The following SMARCD1 variants were observed in gnomAD, a reference collection of about 807,000 sequenced individuals.
The protein encoded by SMARCD1 is SWI/SNF related BAF chromatin remodeling complex subunit D1, also known as SWI/SNF-related matrix-associated actin-dependent regulator of chromatin subfamily D member 1.
SMARCD1 carries 16 observed loss-of-function variants against 70.8 expected under a neutral mutation model. That is an observed-to-expected ratio of 0.23 (90% CI 0.15 to 0.34). The LOEUF (loss-of-function observed/expected upper bound fraction) is 0.34, where lower values mean the gene tolerates loss of function less well. Ranked by LOEUF, SMARCD1 falls within the 10% of genes least tolerant of loss-of-function variation. SMARCD1 has a pLI of 1.00. For missense variants in SMARCD1, 409 were observed against 655.5 expected (o/e 0.62, Z 4.11); for synonymous variants, 249 against 246.0 (o/e 1.01, Z -0.11).
chr12:50,086,426 A>C (rs1350135298), intron 2 of SMARCD1, 78 bp downstream of exon 2: 3 of 1,340,500 alleles, frequency 2.2e-6, no homozygotes, highest in Non-Finnish European at 3.1e-6. Flanking sequence ...TGAACCAAGA[A>C]GTGGTGGTGC....
Position 50,085,501 on chromosome 12 carries a change from G to A in SMARCD1, c.132G>A (p.Pro44=). The A allele has an allele frequency of 8.1e-7, 1 of 1,239,368 alleles. No individual in the cohort carries two copies. The highest frequency in any genetic ancestry group is 1.0e-6 in the Non-Finnish European group (1 of 991,382). The allele number at this position is 1,239,368 out of a possible 1,614,324, so 76.8% of individuals were successfully genotyped here. A position where few individuals can be genotyped will look rare whatever the true frequency, so the allele number is the denominator to read the frequency against. ...CTCCTGTGCGAATGGGCCCGGCTCCGGGTCAAGGGCTGTACCGCTCCCCGA... is the reference window on the plus strand; with the variant it reads ...CTCCTGTGCGAATGGGCCCGGCTCCAGGTCAAGGGCTGTACCGCTCCCCGA... ...PGPPVRMGPA[P]GQGLYRSPMP... Residue 44 remains proline (P), a synonymous_variant, in exon 1 of 13, where the codon CCG becomes CCA. Transcript: ENST00000394963.
chr12:50,092,485 G>C (rs2137890986), intron 9 of SMARCD1, among the ~76,000 whole-genome samples: 1 of 149,256 alleles, frequency 6.7e-6, no homozygotes, highest in Admixed American at 6.7e-5. Context: ...GCCTCCCAAA[G>C]TGCTGGGATT....
In SMARCD1 at chr12:50,090,263, C is replaced by A. The variant is rs1400988399; in HGVS notation, c.896C>A (p.Pro299His). Residue 299 changes from proline (P) to histidine (H), a missense_variant, in exon 8 of 13, where the codon CCC (proline) becomes CAC (histidine). Transcript: ENST00000394963. ...CAGCCTCCCCAGTTTAAATTAGACC[C>A]CCGCCTAGCTCGACTCCTGGGCATC... ...DYQPPQFKLD[P>H]RLARLLGIHT... The A allele has an allele frequency of 1.9e-6, 3 of 1,613,492 alleles. No individual in the cohort carries two copies. Among genetic ancestry groups the A allele is most frequent in the Non-Finnish European group, 2.5e-6 (3 of 1,179,742 alleles).
At position 50,094,184 on chromosome 12, in the gene SMARCD1, A is replaced by G. The variant is rs146400488; in HGVS notation, c.1134-253A>G. ...TTTTTACCATTGACTTTTTAAATAAATCAACTTTATTGAAGTATAATTTAT... is the reference window on the plus strand; with the variant it reads ...TTTTTACCATTGACTTTTTAAATAAGTCAACTTTATTGAAGTATAATTTAT... On this transcript the variant is annotated intron_variant, in intron 9 of 12. Transcript: ENST00000394963. Among the ~76,000 whole-genome samples, 181 of 152,320 alleles carry G rather than the reference A, an allele frequency of 1.2e-3. 1 individual carries two copies. Among genetic ancestry groups the G allele is most frequent in the African/African-American group, 3.6e-3 (149 of 41,564 alleles).
At position 50,086,828 on chromosome 12, in the gene SMARCD1, A is replaced by G; in HGVS notation, c.481A>G (p.Ile161Val). ...LAFERKLDQT[I>V]MRKRLDIQEA... ...TTTTGAAAGGAAACTGGACCAGACTATCATGAGGAAACGGCTAGATATCCA... is the reference window on the plus strand; with the variant it reads ...TTTTGAAAGGAAACTGGACCAGACTGTCATGAGGAAACGGCTAGATATCCA... Residue 161 changes from isoleucine to valine, a missense_variant, in exon 4 of 13, where the codon ATC (isoleucine) becomes GTC (valine). Coordinates refer to ENST00000394963, the MANE Select transcript of SMARCD1 (RefSeq NM_003076.5). 1.2e-6 allele frequency: 2 copies of G among 1,614,170 alleles called. No individual in the cohort carries two copies. The highest frequency in any genetic ancestry group is 1.7e-6 in the Non-Finnish European group (2 of 1,179,990).
chr12:50,092,227 C>CT (rs1223683363), intron 9 of SMARCD1, among the ~76,000 whole-genome samples: 4 of 108,880 alleles, frequency 3.7e-5, no homozygotes, highest in South Asian at 2.9e-4. Context: ...CTTTTCTTTT[C>CT]TTTCTTTCTT....
At chr12:50,098,417 G>C (rs1950911245) in intron 11 of SMARCD1, 1 of 387,230 alleles carries the variant, frequency 2.6e-6, no homozygotes, top group African/African-American at 2.1e-5. Flanking sequence ...TGTAGGTGGT[G>C]GTCTCTGTGT....
At chr12:50,086,954 C>G in intron 4 of SMARCD1, 76 bp downstream of exon 4, 2 of 1,453,366 alleles carry the variant, frequency 1.4e-6, no homozygotes, top group Non-Finnish European at 1.9e-6. Flanking sequence ...GATGAGAAAT[C>G]AAAGGCACAG....
intron 11 of SMARCD1, among the ~76,000 whole-genome samples, chr12:50,097,801 G>C (rs1448278402): frequency 6.9e-6 from 1 of 145,930 alleles, no homozygotes; most frequent in African/African-American, 2.6e-5. Context: ...TGAGGCAGGA[G>C]AATCGCTTGA....
At chr12:50,094,694 C>T (rs990654506) in intron 10 of SMARCD1, 122 bp downstream of exon 10, 1 of 941,824 alleles carries the variant, frequency 1.1e-6, no homozygotes, top group Non-Finnish European at 1.6e-6. Flanking sequence ...AGGTACTGTG[C>T]TTGGTGCTGG....
chr12:50,088,217 C>G (rs372561100), intron 5 of SMARCD1: 3 of 697,378 alleles, frequency 4.3e-6, no homozygotes, highest in Non-Finnish European at 7.8e-6. Context: ...TCAGACTTTT[C>G]TCTGTTCAAA....
intron 1 of SMARCD1, 190 bp from the exon 2 acceptor site, chr12:50,085,971 C>T (rs1230248140): frequency 2.4e-6 from 1 of 420,790 alleles, no homozygotes. Context: ...TATAATCTGG[C>T]TCTCGCTTAG....
chr12:50,098,445 C>T, intron 11 of SMARCD1: 1 of 465,752 alleles, frequency 2.1e-6, no homozygotes, highest in Non-Finnish European at 3.9e-6. Flanking sequence ...CGTTGTCTTC[C>T]TTCTGTATGT....
At chr12:50,098,666 G>A in intron 11 of SMARCD1, 48 bp from the exon 12 acceptor site, 5 of 1,464,712 alleles carry the variant, frequency 3.4e-6, no homozygotes, top group Admixed American at 1.7e-5. Flanking sequence ...AAGGAAACAA[G>A]CCTTTTCTCC....
chr12:50,091,188 C>T (rs571003829), intron 9 of SMARCD1, among the ~76,000 whole-genome samples: 14 of 151,064 alleles, frequency 9.3e-5, no homozygotes, highest in East Asian at 2.0e-4. Flanking sequence ...ATCCATCTGG[C>T]GGAAATATGA....
rs1307776282 is a variant in SMARCD1, at chr12:50,100,062, C to T, written c.*1062C>T. On this transcript the variant is annotated 3_prime_UTR_variant, in exon 13 of 13. Coordinates refer to ENST00000394963, the MANE Select transcript of SMARCD1 (RefSeq NM_003076.5). The stretch of plus-strand genomic sequence containing the variant: ...CTCTCCCTGCCTCACAGGATTGTGA[C>T]TCCCCAGCCCCTGCCCTCAAAGCTT... 1 of 152,658 alleles carries T rather than the reference C, an allele frequency of 6.6e-6. No homozygotes were observed. Among genetic ancestry groups the T allele is most frequent in the African/African-American group, 2.4e-5 (1 of 41,402 alleles). 9.5% of individuals were successfully genotyped at this position (152,658 alleles called of 1,614,324 possible).
At position 50,089,977 on chromosome 12, in the gene SMARCD1, G is replaced by C; in HGVS notation, c.865G>C (p.Asp289His). Residue 289 changes from aspartate to histidine, a missense_variant, in exon 7 of 13, where the codon GAT (aspartate) becomes CAT (histidine). By Grantham distance (81) the Asp-to-His change is moderately conservative. Around this residue, in one of 2 missense-constraint regions of SMARCD1, gnomAD observed 269 missense variants for 498.6 expected, o/e 0.54. Transcript: ENST00000394963. ...NVRCTVLLMLDYQPPQFKLDP... is the reference protein window; with the variant it reads ...NVRCTVLLMLHYQPPQFKLDP... The stretch of plus-strand genomic sequence containing the variant: ...ACGGTGTACTGTCCTACTGATGCTG[G>C]ATTACCAGGTATTCTGTGGTGGTGT... The C allele has an allele frequency of 6.2e-7, 1 of 1,613,414 alleles. No homozygotes were observed. Among genetic ancestry groups the C allele is most frequent in the Non-Finnish European group, 8.5e-7 (1 of 1,179,336 alleles).
At chr12:50,098,608 T>C (rs890570045) in intron 11 of SMARCD1, 106 bp from the exon 12 acceptor site, 2 of 882,850 alleles carry the variant, frequency 2.3e-6, no homozygotes, top group African/African-American at 3.3e-5. Context: ...TGGTTAGACT[T>C]CAACATTTTG....
At chr12:50,087,109 G>T (rs550411589) in intron 4 of SMARCD1, among the ~76,000 whole-genome samples, 1 of 152,166 alleles carries the variant, frequency 6.6e-6, no homozygotes. Flanking sequence ...CCATGTTTTC[G>T]CTGTAACTGC....
Sources: gnomAD v4.1 joint callset for allele counts (sites outside exome capture counted in the v4.1 genomes callset) on GRCh38, gnomAD v4.1.1 for gene constraint, gnomAD v4.1.1 regional missense constraint, MANE v1.5 for transcripts, NCBI Gene and HGNC (gene_info 2026-07-23, HGNC 2026-07-21) for gene names.